The following SYN2 variants were observed in gnomAD, a reference collection of about 807,000 sequenced individuals.
The protein encoded by SYN2 is synapsin II.
In SYN2, 19 loss-of-function variants were observed where a neutral mutation model predicts 50.9. That is an observed-to-expected ratio of 0.37 (90% CI 0.26 to 0.55). The LOEUF (loss-of-function observed/expected upper bound fraction) is 0.55. Ranked by LOEUF, SYN2 falls within the 20% of genes least tolerant of loss-of-function variation. The pLI, the probability that SYN2 is intolerant of heterozygous loss-of-function variation, is 0.81. For synonymous variants in SYN2, 255 were observed against 224.9 expected, an observed-to-expected ratio of 1.13 and a Z score of -1.20; for missense variants, 587 against 576.4, an observed-to-expected ratio of 1.02 and a Z score of -0.19.
chr3:12,049,329 G>A (rs1259009294), intron 1 of SYN2, among the ~76,000 whole-genome samples: 1 of 151,936 alleles, frequency 6.6e-6, no homozygotes, highest in Non-Finnish European at 1.5e-5. Context: ...GACCAGCCTG[G>A]TCAACATGGT....
In SYN2 at chr3:12,169,739, G is replaced by T. The variant is rs1352864763; in HGVS notation, c.1159-18G>T. ...GTTTCCAGACCCCTTTCCTCACCTG[G>T]GACACATCTCCCACCAGGTCATGGA... On this transcript the variant is annotated intron_variant, in intron 9 of 12. Transcript: ENST00000621198. 6.2e-7 allele frequency: 1 copy of T among 1,613,370 alleles called. No homozygotes were observed. The highest frequency in any genetic ancestry group is 1.7e-5 in the Admixed American group (1 of 59,972).
chr3:12,174,003 C>T (rs1274781202), intron 10 of SYN2, among the ~76,000 whole-genome samples: 2 of 152,212 alleles, frequency 1.3e-5, no homozygotes, highest in South Asian at 4.1e-4. Context: ...GCTGACTACT[C>T]CCTCCTCTAA....
At chr3:12,184,201 A>G in intron 11 of SYN2, 2 of 985,678 alleles carry the variant, frequency 2.0e-6, no homozygotes, top group Non-Finnish European at 2.4e-6. Flanking sequence ...TTATTAACTA[A>G]TTAACTATGA....
intron 1 of SYN2, among the ~76,000 whole-genome samples, chr3:12,119,881 A>G (rs984555387): frequency 3.3e-5 from 5 of 152,152 alleles, no homozygotes; most frequent in African/African-American, 7.2e-5. Flanking sequence ...GTCAACCCCA[A>G]TGATCTCAAG....
At chr3:12,151,176 A>T in intron 4 of SYN2, 61 bp from the exon 5 acceptor site, 1 of 1,165,986 alleles carries the variant, frequency 8.6e-7, no homozygotes, top group South Asian at 1.3e-5. Context: ...TGATGAGTTG[A>T]TGTTTCATCT....
chr3:12,158,693 C>A (rs780870172), intron 5 of SYN2: 3 of 1,609,994 alleles, frequency 1.9e-6, no homozygotes, highest in Non-Finnish European at 8.5e-7. Flanking sequence ...TCGCGGACCT[C>A]GGACTCACCA....
At chr3:12,007,478 C>T (rs1225362917) in intron 1 of SYN2, among the ~76,000 whole-genome samples, 18 of 152,072 alleles carry the variant, frequency 1.2e-4, no homozygotes, top group Admixed American at 1.2e-3. Flanking sequence ...AGGTGCTTGC[C>T]GTGACAAGCG....
chr3:12,044,159 G>GT, intron 1 of SYN2, among the ~76,000 whole-genome samples: 2 of 35,916 alleles, frequency 5.6e-5, no homozygotes, highest in East Asian at 2.1e-3. Flanking sequence ...AGAAGGCAAA[G>GT]TTCTCTCTCT....
intron 1 of SYN2, among the ~76,000 whole-genome samples, chr3:12,040,781 G>C (rs1694594626): frequency 6.6e-6 from 1 of 152,164 alleles, no homozygotes; most frequent in African/African-American, 2.4e-5. Flanking sequence ...GATAGTGGAA[G>C]AGGACTAAGT....
chr3:12,053,696 C>T (rs754081769), intron 1 of SYN2, among the ~76,000 whole-genome samples: 1 of 151,990 alleles, frequency 6.6e-6, no homozygotes, highest in East Asian at 1.9e-4. Context: ...ATAGTATTCT[C>T]ATGTTTTTTA....
rs1173361760 is a variant in SYN2, at chr3:12,006,442, G to A, written c.377+1514G>A. On this transcript the variant is annotated intron_variant, in intron 1 of 12. Coordinates refer to ENST00000621198, the MANE Select transcript of SYN2 (RefSeq NM_133625.6). ...ATATCAACAAGTGCTTATTACGGAG[G>A]AAGGGAAGGTAACCAAGCTAGTAAA... Among the ~76,000 whole-genome samples, 4 of 152,314 alleles carry A rather than the reference G, an allele frequency of 2.6e-5. No individual in the cohort carries two copies. In the East Asian group the frequency reaches 7.7e-4, roughly 29 times the overall value.
At chr3:12,189,797 C>CAAAA (rs11335885) in intron 12 of SYN2, among the ~76,000 whole-genome samples, 3 of 151,582 alleles carry the variant, frequency 2.0e-5, no homozygotes, top group Admixed American at 6.6e-5. Flanking sequence ...GATTCTGTCT[C>CAAAA]AAAAAAAAAC....
intron 10 of SYN2, among the ~76,000 whole-genome samples, chr3:12,177,281 A>G (rs1559455602): frequency 6.6e-6 from 1 of 152,230 alleles, no homozygotes; most frequent in Non-Finnish European, 1.5e-5. Context: ...GTCCCAACAC[A>G]AATTCATAAA....
intron 1 of SYN2, among the ~76,000 whole-genome samples, chr3:12,123,717 G>A (rs973913870): frequency 1.3e-5 from 2 of 152,140 alleles, no homozygotes; most frequent in Admixed American, 6.5e-5. Context: ...GGAGTTCAAG[G>A]CGAGTGGATA....
chr3:12,166,518 C>T (rs1007909741), intron 7 of SYN2, among the ~76,000 whole-genome samples: 7 of 152,178 alleles, frequency 4.6e-5, no homozygotes, highest in African/African-American at 1.7e-4. Flanking sequence ...GACTAGTTGA[C>T]ACCAACACAT....
chr3:12,008,050 C>G (rs1248213533), intron 1 of SYN2, among the ~76,000 whole-genome samples: 2 of 152,086 alleles, frequency 1.3e-5, no homozygotes, highest in East Asian at 3.9e-4. Flanking sequence ...AGGTTCATGG[C>G]TAAATTTGAA....
intron 1 of SYN2, among the ~76,000 whole-genome samples, chr3:12,025,852 AT>A (rs1168005167): frequency 2.6e-5 from 4 of 152,148 alleles, no homozygotes; most frequent in African/African-American, 9.7e-5. Flanking sequence ...CTCAAGGTAG[AT>A]ATTATACTGA....
In SYN2 at chr3:12,019,213, T is replaced by C. The variant is rs188116975; in HGVS notation, c.377+14285T>C. On this transcript the variant is annotated intron_variant, in intron 1 of 12. Transcript: ENST00000621198. ...GGGAATTTGGAGGGAATTTTGGTGG[T>C]TGGAGACTACAAGACTGAAAATGTG... is the stretch of plus-strand genomic sequence containing the variant. Among the ~76,000 whole-genome samples the C allele has an allele frequency of 5.6e-4, 85 of 152,324 alleles. 1 individual carries two copies. In the East Asian group the frequency reaches 0.016, roughly 29 times the overall value.
rs763210261 is a variant in SYN2, at chr3:12,187,497, C to A, written c.1498C>A (p.Arg500=). 6.1e-5 allele frequency: 95 copies of A among 1,553,802 alleles called. No individual in the cohort carries two copies. Among genetic ancestry groups the A allele is most frequent in the African/African-American group, 1.1e-4 (8 of 73,154 alleles). ...SSSSSSSAPQ[R]PGGPTTHGDA... Reference sequence around the variant, plus strand: ...TTCTTCCTCCTCCTCGGCTCCTCAGCGGCCGGGCGGCCCCACCACCCACGG... The same window carrying A: ...TTCTTCCTCCTCCTCGGCTCCTCAGAGGCCGGGCGGCCCCACCACCCACGG... The change falls in exon 12 of 13, where the codon CGG becomes AGG. Residue 500 remains arginine, a synonymous_variant. Transcript: ENST00000621198.
Sources: gnomAD v4.1 joint callset for allele counts (sites outside exome capture counted in the v4.1 genomes callset) on GRCh38, gnomAD v4.1.1 for gene constraint, MANE v1.5 for transcripts, NCBI Gene and HGNC (gene_info 2026-07-23, HGNC 2026-07-21) for gene names.